Variants in GNG7 observed in about 807,000 individuals in gnomAD.
GNG7 encodes guanine nucleotide-binding protein G(I)/G(S)/G(O) subunit gamma-7.
In GNG7, 1 loss-of-function variant was observed where a neutral mutation model predicts 4.0. The observed-to-expected ratio is 0.25, with a 90% CI of 0.09 to 1.18. GNG7 has a LOEUF of 1.18. Ranked by LOEUF, GNG7 falls within the 50% of genes most tolerant of loss-of-function variation. GNG7 has a pLI of 0.50. For missense variants in GNG7, 86 were observed against 91.9 expected (o/e 0.94, Z 0.26); for synonymous variants, 34 against 36.9 (o/e 0.92, Z 0.29).
At chr19:2,600,557 C>T (rs576443339) in intron 2 of GNG7, among the ~76,000 whole-genome samples, 3 of 151,430 alleles carry the variant, frequency 2.0e-5, no homozygotes, top group Non-Finnish European at 4.4e-5. Flanking sequence ...CTTCAACCTC[C>T]GCCTCCTGGG....
At chr19:2,686,155 T>A (rs1490806865) in intron 1 of GNG7, among the ~76,000 whole-genome samples, 1 of 144,288 alleles carries the variant, frequency 6.9e-6, no homozygotes, top group Non-Finnish European at 1.5e-5. Flanking sequence ...GGTCTCTGTC[T>A]CAGCATTTTT....
chr19:2,696,187 A>AGAGAGAGGG (rs202163861), intron 1 of GNG7, among the ~76,000 whole-genome samples: 16 of 144,550 alleles, frequency 1.1e-4, no homozygotes, highest in Admixed American at 3.5e-4. Flanking sequence ...GAGAGAGAGG[A>AGAGAGAGGG]GAGAGAGGGG....
intron 2 of GNG7, among the ~76,000 whole-genome samples, chr19:2,602,241 A>C (rs4806867): frequency 0.13 from 20,028 of 151,994 alleles, 2,829 homozygotes; most frequent in East Asian, 0.33. Flanking sequence ...GGAGGCTGAG[A>C]CAGGAGGATT....
chr19:2,543,500 C>G (rs957962263), intron 3 of GNG7, among the ~76,000 whole-genome samples: 1 of 152,156 alleles, frequency 6.6e-6, no homozygotes, highest in Non-Finnish European at 1.5e-5. Flanking sequence ...GCTAGGATCC[C>G]GGGCATGAAC....
At position 2,514,962 on chromosome 19, in the gene GNG7, CAGAGACAGAGAGAGAGAG is replaced by C; in HGVS notation, c.*42_*59del. On this transcript the variant is annotated 3_prime_UTR_variant, in exon 5 of 5. Transcript: ENST00000382159. ...AATGATGCCCTGCCTGAGACAGAGA[CAGAGACAGAGAGAGAGAG>C]AGAGAAAGAGAGAGAGAGAGAGAGA... The C allele has an allele frequency of 7.3e-7, 1 of 1,374,908 alleles. No individual in the cohort carries two copies. The allele number at this position is 1,374,908 out of a possible 1,614,324, so 85.2% of individuals were successfully genotyped here.
intron 2 of GNG7, among the ~76,000 whole-genome samples, chr19:2,590,165 G>A (rs1980795544): frequency 6.6e-6 from 1 of 152,020 alleles, no homozygotes; most frequent in African/African-American, 2.4e-5. Flanking sequence ...TAAACTATAG[G>A]TAACAACATT....
intron 2 of GNG7, among the ~76,000 whole-genome samples, chr19:2,575,781 GCAGACACGCAGGCACACA>G (rs1980307557): frequency 1.1e-5 from 1 of 87,126 alleles, no homozygotes; most frequent in Admixed American, 1.4e-4. Flanking sequence ...GCAGGCACAT[GCAGACACGCAGGCACACA>G]CAGACATGCA....
chr19:2,691,182 A>C (rs1913127352), intron 1 of GNG7, among the ~76,000 whole-genome samples: 2 of 152,240 alleles, frequency 1.3e-5, no homozygotes, highest in African/African-American at 4.8e-5. Context: ...CTCTAAAAAA[A>C]TAAAGTCTAT....
chr19:2,514,996 G>T lies in GNG7; in HGVS notation c.*26C>A. ...AGAGAGAGAGAGAGAAAGAGAGAGA[G>T]AGAGAGAGAACATATGAGAACACAG... On this transcript the variant is annotated 3_prime_UTR_variant, in exon 5 of 5. Coordinates refer to ENST00000382159, the MANE Select transcript of GNG7 (RefSeq NM_052847.3). The T allele has an allele frequency of 1.3e-6, 2 of 1,585,096 alleles. No individual in the cohort carries two copies. The highest frequency in any genetic ancestry group is 1.7e-6 in the Non-Finnish European group (2 of 1,154,114).
In GNG7 at chr19:2,633,481, G is replaced by C. The variant is rs1190832814; in HGVS notation, c.-78+12743C>G. Among the ~76,000 whole-genome samples the C allele has an allele frequency of 5.0e-5, 4 of 80,448 alleles. No homozygotes were observed. In the South Asian group the frequency reaches 2.2e-3, roughly 44 times the overall value. The allele number at this position is 80,448 out of a possible 152,430, so 52.8% of individuals were successfully genotyped here. ...GTTGCTTAGCAACAGGCGCGCGCGC[G>C]CGCGCGCACACACACACACACACAC... On this transcript the variant is annotated intron_variant, in intron 2 of 4. Transcript: ENST00000382159. This position sits in a 1 kb window ranked among gnomAD's most constrained non-coding sequence, Gnocchi z 5.9.
At chr19:2,544,534 C>A (rs1362448434) in intron 3 of GNG7, among the ~76,000 whole-genome samples, 1 of 152,098 alleles carries the variant, frequency 6.6e-6, no homozygotes, top group Non-Finnish European at 1.5e-5. Context: ...ATAGGCGCCC[C>A]CCACCCCCAC....
intron 1 of GNG7, among the ~76,000 whole-genome samples, chr19:2,670,126 G>A (rs1983414022): frequency 6.7e-6 from 1 of 150,332 alleles, no homozygotes; most frequent in African/African-American, 2.5e-5. Flanking sequence ...GAAACTCTCT[G>A]TCTCTCTCTC....
intron 2 of GNG7, chr19:2,643,515 C>G: frequency 5.1e-6 from 2 of 391,390 alleles, no homozygotes; most frequent in South Asian, 3.5e-5. Context: ...CCGGGCTCTG[C>G]ACACCTTCCG....
At chr19:2,637,162 G>T (rs1982333259) in intron 2 of GNG7, among the ~76,000 whole-genome samples, 1 of 151,952 alleles carries the variant, frequency 6.6e-6, no homozygotes. Context: ...GGCCGCCAGC[G>T]GTAACAGCAG....
chr19:2,626,137 A>T lies in GNG7; in HGVS notation c.-78+20087T>A, dbSNP rs1489464268. Among the ~76,000 whole-genome samples, 1 of 151,946 alleles carries T rather than the reference A, an allele frequency of 6.6e-6. No homozygotes were observed. Among genetic ancestry groups the T allele is most frequent in the Admixed American group, 6.6e-5 (1 of 15,248 alleles). ...GCAACCCTGGACTGCAGGGGTGGTG[A>T]TCACCCCCCATTTTACCAAACAGAA... On this transcript the variant is annotated intron_variant, in intron 2 of 4. Transcript: ENST00000382159. The surrounding 1 kb of genome is among the most constrained non-coding windows in gnomAD (Gnocchi z 5.0).
chr19:2,598,403 C>A (rs34630025), intron 2 of GNG7, among the ~76,000 whole-genome samples: 88,674 of 150,746 alleles, frequency 0.59, 29,160 homozygotes, highest in Non-Finnish European at 0.76. Context: ...CACGCCTGTA[C>A]TCCCAGCACT....
At chr19:2,693,799 G>A (rs1913185850) in intron 1 of GNG7, among the ~76,000 whole-genome samples, 1 of 152,094 alleles carries the variant, frequency 6.6e-6, no homozygotes, top group Non-Finnish European at 1.5e-5. Flanking sequence ...GGCTGGACAT[G>A]AGACAGAGAC....
chr19:2,568,531 A>G (rs1054582619), intron 2 of GNG7, among the ~76,000 whole-genome samples: 1 of 150,618 alleles, frequency 6.6e-6, no homozygotes, highest in Non-Finnish European at 1.5e-5. Flanking sequence ...ACACGTGCAC[A>G]TATACACACA....
At chr19:2,635,051 G>A (rs1982269985) in intron 2 of GNG7, among the ~76,000 whole-genome samples, 1 of 152,220 alleles carries the variant, frequency 6.6e-6, no homozygotes, top group Non-Finnish European at 1.5e-5. Context: ...TGTGGACATC[G>A]GAGCCGGATT....
Sources: allele counts gnomAD v4.1 joint callset (sites outside exome capture counted in the v4.1 genomes callset), GRCh38; gene constraint gnomAD v4.1.1; non-coding constraint Gnocchi (gnomAD v3.1); transcripts MANE v1.5; gene names NCBI Gene and HGNC (gene_info 2026-07-23, HGNC 2026-07-21).